Variants in CIBAR2 observed in about 807,000 individuals in gnomAD.
CIBAR2 encodes the protein CBY1 interacting BAR domain containing 2.
Under a neutral mutation model 36.2 loss-of-function variants are expected in CIBAR2, and 38 were observed. The observed-to-expected ratio is 1.05, with a 90% CI of 0.81 to 1.38. The LOEUF is 1.38. Among genes scored for constraint, CIBAR2 ranks in the 40% most tolerant of loss-of-function variants. The probability of loss-of-function intolerance (pLI) is 0.00; values close to 1 mark genes in which losing one functional copy is unlikely to be tolerated. For synonymous variants in CIBAR2, 182 were observed against 149.5 expected, an observed-to-expected ratio of 1.22 and a Z score of -1.58; for missense variants, 481 against 383.4, an observed-to-expected ratio of 1.25 and a Z score of -2.13.
chr16:85,108,006 C>T (rs774571586), intron 3 of CIBAR2, 25 bp downstream of exon 3: 9 of 1,613,778 alleles, frequency 5.6e-6, no homozygotes, highest in South Asian at 3.3e-5. Flanking sequence ...AGGGATGCCA[C>T]CCACACCGAG....
At position 85,099,157 on chromosome 16, in the gene CIBAR2, G is replaced by A. The variant is rs752606472; in HGVS notation, c.*28C>T. ...CAGGCAGTCTGGGATTATTTTAAAC[G>A]GCTTGGGATTGCACTTACCCTACGT... On this transcript the variant is annotated 3_prime_UTR_variant, in exon 9 of 9. Transcript: ENST00000539556. 11 of 1,480,702 alleles carry A rather than the reference G, an allele frequency of 7.4e-6. No individual in the cohort carries two copies. The highest frequency in any genetic ancestry group is 2.5e-5 in the Admixed American group (1 of 40,054). The allele number at this position is 1,480,702 out of a possible 1,614,324, so 91.7% of individuals were successfully genotyped here.
intron 8 of CIBAR2, among the ~76,000 whole-genome samples, chr16:85,099,623 CT>C (rs534443322): frequency 1.3e-3 from 185 of 140,542 alleles, no homozygotes; most frequent in Middle Eastern, 3.7e-3. Context: ...ATTGATTCTA[CT>C]TTTTTTTTTT....
In CIBAR2 at chr16:85,112,358, C is replaced by T. The variant is rs1215922482; in HGVS notation, c.-6G>A. The stretch of plus-strand genomic sequence containing the variant: ...CTGGAGAAGACGATGTTCATTGTGA[C>T]CAGAGCTTTGGCTGTCCCGGTGCTG... On this transcript the variant is annotated 5_prime_UTR_variant, in exon 1 of 9. Coordinates refer to ENST00000539556, the MANE Select transcript of CIBAR2 (RefSeq NM_198491.3). 6.2e-7 allele frequency: 1 copy of T among 1,613,934 alleles called. No homozygotes were observed. The highest frequency in any genetic ancestry group is 8.5e-7 in the Non-Finnish European group (1 of 1,179,840).
intron 7 of CIBAR2, among the ~76,000 whole-genome samples, chr16:85,101,310 C>A (rs752772263): frequency 6.6e-6 from 1 of 152,092 alleles, no homozygotes; most frequent in South Asian, 2.1e-4. Flanking sequence ...TTGCAGTGGG[C>A]CCTGCAAATC....
chr16:85,111,296 T>G (rs929450661), intron 1 of CIBAR2, among the ~76,000 whole-genome samples: 1 of 152,022 alleles, frequency 6.6e-6, no homozygotes, highest in African/African-American at 2.4e-5. Context: ...TGCAAAACAC[T>G]CCACATGCAC....
intron 8 of CIBAR2, 27 bp downstream of exon 8, chr16:85,100,112 T>C (rs745367591): frequency 6.3e-7 from 1 of 1,575,314 alleles, no homozygotes; most frequent in Non-Finnish European, 8.7e-7. Context: ...ATTTTAGGTG[T>C]AACCCCTCAC....
At chr16:85,109,817 A>C (rs1275700414) in intron 2 of CIBAR2, among the ~76,000 whole-genome samples, 1 of 152,126 alleles carries the variant, frequency 6.6e-6, no homozygotes, top group South Asian at 2.1e-4. Flanking sequence ...TCTACAATTC[A>C]TGGTGAGGAG....
chr16:85,105,914 G>A (rs889842101), intron 5 of CIBAR2, among the ~76,000 whole-genome samples: 1 of 152,230 alleles, frequency 6.6e-6, no homozygotes, highest in African/African-American at 2.4e-5. Context: ...GGCTTTTAGA[G>A]TCAAACACCT....
intron 2 of CIBAR2, among the ~76,000 whole-genome samples, chr16:85,108,602 A>G (rs1031579684): frequency 3.9e-5 from 6 of 152,146 alleles, no homozygotes; most frequent in Admixed American, 1.3e-4. Flanking sequence ...GCCGGGCGCG[A>G]TGGCTCACGC....
Position 85,107,907 on chromosome 16 carries a change from A to C in CIBAR2, c.365T>G (p.Ile122Ser). 6.2e-7 allele frequency: 1 copy of C among 1,614,106 alleles called. No individual in the cohort carries two copies. Among genetic ancestry groups the C allele is most frequent in the Non-Finnish European group, 8.5e-7 (1 of 1,179,988 alleles). Residue 122 changes from isoleucine to serine, a missense_variant, in exon 4 of 9, where the codon ATC becomes AGC. Coordinates refer to ENST00000539556, the MANE Select transcript of CIBAR2 (RefSeq NM_198491.3). ...TTTCTCCAGTTTTTCCAGTTGTTTGATCTCATGATTTTGGACATGTTTGAA... is the reference window on the plus strand; with the variant it reads ...TTTCTCCAGTTTTTCCAGTTGTTTGCTCTCATGATTTTGGACATGTTTGAA... ...KKFKHVQNHE[I>S]KQLEKLEKLR...
rs774456839 is a variant in CIBAR2, at chr16:85,099,193, A to G, written c.907T>C (p.Ser303Pro). 4 of 1,577,714 alleles carry G rather than the reference A, an allele frequency of 2.5e-6. No individual in the cohort carries two copies. Among genetic ancestry groups the G allele is most frequent in the East Asian group, 4.6e-5 (2 of 43,728 alleles). ...QGGHLMLPGH[S>P]L ...GCACTTACCCTACGTCGTTAGAGAG[A>G]ATGTCCTGGAAGCATGAGATGCCCA... is the stretch of plus-strand genomic sequence containing the variant. The change falls in exon 9 of 9, where the codon TCT becomes CCT. Residue 303 changes from serine (S) to proline (P), a missense_variant. Ser to Pro is a moderately conservative substitution (Grantham distance 74). Coordinates refer to ENST00000539556, the MANE Select transcript of CIBAR2 (RefSeq NM_198491.3).
intron 1 of CIBAR2, 30 bp downstream of exon 1, chr16:85,112,303 T>C (rs1381448176): frequency 6.4e-7 from 1 of 1,568,862 alleles, no homozygotes; most frequent in Non-Finnish European, 8.7e-7. Flanking sequence ...TCCACCTCCC[T>C]CACAGCCAGG....
At position 85,109,486 on chromosome 16, in the gene CIBAR2, G is replaced by A. The variant is rs554595302; in HGVS notation, c.255+740C>T. Among the ~76,000 whole-genome samples, 11 of 152,200 alleles carry A rather than the reference G, an allele frequency of 7.2e-5. No homozygotes were observed. The East Asian group carries it at 1.9e-3, about 27-fold the overall frequency. ...TGCCCATGACATGCGTTGCTATCTG[G>A]TTTAAAGCTTACTCAATTGTAAAGC... is the stretch of plus-strand genomic sequence containing the variant. On this transcript the variant is annotated intron_variant, in intron 2 of 8. Transcript: ENST00000539556.
chr16:85,101,129 C>T (rs901174985), intron 7 of CIBAR2, among the ~76,000 whole-genome samples: 1 of 152,090 alleles, frequency 6.6e-6, no homozygotes, highest in African/African-American at 2.4e-5. Flanking sequence ...CCGTGGGCAG[C>T]CACTGTGGCC....
At chr16:85,109,025 C>T (rs2074019966) in intron 2 of CIBAR2, among the ~76,000 whole-genome samples, 2 of 152,210 alleles carry the variant, frequency 1.3e-5, no homozygotes, top group Non-Finnish European at 2.9e-5. Context: ...TTCCTCTGGT[C>T]TCCGTGGGAG....
At chr16:85,103,767 G>T (rs1220442849) in intron 6 of CIBAR2, among the ~76,000 whole-genome samples, 3 of 152,222 alleles carry the variant, frequency 2.0e-5, no homozygotes, top group Non-Finnish European at 4.4e-5. Flanking sequence ...CCCACTAGGT[G>T]CCAGGCCCTG....
intron 5 of CIBAR2, 65 bp from the exon 6 acceptor site, chr16:85,105,496 C>G: frequency 8.8e-7 from 1 of 1,134,156 alleles, no homozygotes; most frequent in Non-Finnish European, 1.3e-6. Context: ...AGACACCTTT[C>G]TGAATCACTC....
chr16:85,099,343 T>G lies in CIBAR2; in HGVS notation c.757A>C (p.Thr253Pro). 1 of 1,528,212 alleles carries G rather than the reference T, an allele frequency of 6.5e-7. No homozygotes were observed. The highest frequency in any genetic ancestry group is 9.1e-7 in the Non-Finnish European group (1 of 1,101,878). The allele number at this position is 1,528,212 out of a possible 1,614,324, so 94.7% of individuals were successfully genotyped here. A position where few individuals can be genotyped will look rare whatever the true frequency, so the allele number is the denominator to read the frequency against. Residue 253 changes from threonine to proline, a missense_variant, in exon 9 of 9, where the codon ACT becomes CCT. Transcript: ENST00000539556. ...SVLQSLASQG[T>P]LQVQLSRANE... is the part of the protein sequence containing the mutation. ...GCCCTACTCAGCTGGACCTGCAGAG[T>G]TCCCTGCAGAAATATAAATGCACCT...
In CIBAR2 at chr16:85,099,284, ATG is replaced by A; in HGVS notation, c.814_815del (p.His272TrpfsTer4). ...CCCACTCACAGAGACTAAACCTGCC[ATG>A]ATTGGCATGAGGATGTTCAGGGTCT... ...NEDPEHPHAN[H>X]GRFSLCEWVV... On this transcript the variant is annotated frameshift_variant, in exon 9 of 9. Coordinates refer to ENST00000539556, the MANE Select transcript of CIBAR2 (RefSeq NM_198491.3). LOFTEE classifies it low-confidence loss of function (END_TRUNC). 1 of 1,614,018 alleles carries A rather than the reference ATG, an allele frequency of 6.2e-7. No individual in the cohort carries two copies. The highest frequency in any genetic ancestry group is 2.2e-5 in the East Asian group (1 of 44,864).
Sources: allele counts gnomAD v4.1 joint callset (sites outside exome capture counted in the v4.1 genomes callset), GRCh38; gene constraint gnomAD v4.1.1; transcripts MANE v1.5; gene names NCBI Gene and HGNC (gene_info 2026-07-23, HGNC 2026-07-21).